Variants in HAUS7 observed in about 807,000 individuals in gnomAD.
The protein encoded by HAUS7 is HAUS augmin-like complex subunit 7.
Under a neutral mutation model 28.4 loss-of-function variants are expected in HAUS7, and 3 were observed. That is an observed-to-expected ratio of 0.11 (90% confidence interval 0.05 to 0.27). HAUS7 has a LOEUF of 0.27. Ranked by LOEUF, HAUS7 falls within the 10% of genes least tolerant of loss-of-function variation. The probability of loss-of-function intolerance (pLI) is 1.00; values close to 1 mark genes in which losing one functional copy is unlikely to be tolerated. For synonymous variants in HAUS7, 165 were observed against 132.1 expected (o/e 1.25, Z -1.71); for missense variants, 284 against 297.3 (o/e 0.96, Z 0.33).
chrX:153,489,991 A>G (rs1209770070), intron 1 of HAUS7, among the ~76,000 whole-genome samples: 1 of 112,760 alleles, frequency 8.9e-6, no homozygotes, highest in African/African-American at 3.2e-5. Flanking sequence ...GCCAGGTGCT[A>G]TCCCACCCCA....
At chrX:153,470,352 C>T in intron 1 of HAUS7, 98 bp downstream of exon 1, 2 of 884,707 alleles carry the variant, frequency 2.3e-6, no homozygotes, top group Non-Finnish European at 3.2e-6. Context: ...CGACGGTGGC[C>T]GCGTGGCGCC....
chrX:153,462,012 T>C, intron 4 of HAUS7: 1 of 556,107 alleles, frequency 1.8e-6, no homozygotes, highest in Non-Finnish European at 3.0e-6. Flanking sequence ...CTTGTGCACA[T>C]GTTCTCAGGA....
At chrX:153,470,415 C>A in intron 1 of HAUS7, 35 bp downstream of exon 1, 1 of 1,197,873 alleles carries the variant, frequency 8.3e-7, no homozygotes, top group Non-Finnish European at 1.1e-6. Context: ...CTCCCCGGTC[C>A]CCCGCCCTGG....
chrX:153,478,224 T>C (rs1421739483), intron 1 of HAUS7, among the ~76,000 whole-genome samples: 1 of 112,264 alleles, frequency 8.9e-6, no homozygotes, highest in Non-Finnish European at 1.9e-5. Context: ...AAACCCTGGC[T>C]CCCACAGCAG....
chrX:153,453,543 CGTG>C (rs1205259742), intron 9 of HAUS7, among the ~76,000 whole-genome samples: 1 of 108,601 alleles, frequency 9.2e-6, no homozygotes, highest in African/African-American at 3.4e-5. Flanking sequence ...CCCCCTGAAA[CGTG>C]GTATTAGTGC....
At chrX:153,462,575 C>T (rs781785643) in intron 4 of HAUS7, 35 bp downstream of exon 4, 51 of 1,070,705 alleles carry the variant, frequency 4.8e-5, no homozygotes, top group Non-Finnish European at 6.1e-5. Flanking sequence ...AGAAAGCGTG[C>T]GTGCCGTCTG....
rs993628529 is a variant in HAUS7 at position 153,458,430 on chromosome X, C to T, written c.355-1202G>A. 7.9e-5 allele frequency among the ~76,000 whole-genome samples: 9 copies of T among 113,228 alleles called. No homozygotes were observed. In the South Asian group the frequency reaches 1.4e-3, roughly 18 times the overall value. Reference sequence around the variant, plus strand: ...CCAAGCATGAGGCTGGCGAGGATCACGCGTGTCCCAGCGCAGATGAGTAGT... The same window carrying T: ...CCAAGCATGAGGCTGGCGAGGATCATGCGTGTCCCAGCGCAGATGAGTAGT... On this transcript the variant is annotated intron_variant, in intron 4 of 9. Coordinates refer to ENST00000370211, the MANE Select transcript of HAUS7 (RefSeq NM_001385482.1).
intron 9 of HAUS7, among the ~76,000 whole-genome samples, chrX:153,453,401 C>T (rs1319844391): frequency 8.9e-6 from 1 of 111,885 alleles, no homozygotes; most frequent in African/African-American, 3.3e-5. Context: ...AAATTGTACA[C>T]TTTTAAAAGG....
chrX:153,451,811 T>C (rs1474716813), intron 9 of HAUS7, among the ~76,000 whole-genome samples: 1 of 111,687 alleles, frequency 9.0e-6, no homozygotes, highest in Non-Finnish European at 1.9e-5. Context: ...TGCCGGGCTG[T>C]GAAAATCCCA....
intron 1 of HAUS7, among the ~76,000 whole-genome samples, chrX:153,492,162 C>T (rs997010840): frequency 1.2e-4 from 14 of 113,559 alleles, no homozygotes; most frequent in African/African-American, 4.1e-4. Context: ...CCTGCTTCCC[C>T]CTGCCTCCTC....
chrX:153,455,280 G>A (rs1028349297), intron 8 of HAUS7: 6 of 440,745 alleles, frequency 1.4e-5, no homozygotes, highest in Non-Finnish European at 2.4e-5. Context: ...ACCCCACACC[G>A]GATCTGGGCC....
chrX:153,481,212 G>A lies in HAUS7; in HGVS notation c.-588-10067C>T, dbSNP rs185293153. 119 of 472,613 alleles carry A rather than the reference G, an allele frequency of 2.5e-4. 1 individual carries two copies. Among genetic ancestry groups the A allele is most frequent in the Middle Eastern group, 2.6e-3 (2 of 766 alleles). 38.9% of individuals were successfully genotyped at this position (472,613 alleles called of 1,213,427 possible). A position where few individuals can be genotyped will look rare whatever the true frequency, so the allele number is the denominator to read the frequency against. The stretch of plus-strand genomic sequence containing the variant: ...AGCCCCCATTTGGGCCTTTGCCCTT[G>A]GTGCCAAGGGGAGGGGTCCCAGTAA... On this transcript the variant is annotated intron_variant, in intron 1 of 5. Transcript: ENST00000370210.
rs187868102 is a variant in HAUS7, at chrX:153,469,914, G to A, written c.108+536C>T. On this transcript the variant is annotated intron_variant, in intron 1 of 9. Coordinates refer to ENST00000370211, the MANE Select transcript of HAUS7 (RefSeq NM_001385482.1). ...GGACAGGATGGGGGAGTGTCTGGGG[G>A]GAGGAGCGAGCGGGCCGAGGGGACC... Among the ~76,000 whole-genome samples the A allele has an allele frequency of 5.4e-5, 6 of 111,132 alleles. No homozygotes were observed. In the East Asian group the frequency reaches 1.1e-3, roughly 21 times the overall value.
At chrX:153,456,455 G>A in intron 6 of HAUS7, 38 bp downstream of exon 6, 1 of 1,177,175 alleles carries the variant, frequency 8.5e-7, no homozygotes, top group Non-Finnish European at 1.1e-6. Flanking sequence ...GGGACAGGAG[G>A]CCAGGGTGCT....
Position 153,455,508 on chromosome X carries a change from G to A in HAUS7, c.930+34C>T, listed in dbSNP as rs782399793. ...TCTCAGTCTGAGTGAACAGGGGAGG[G>A]GGCGGTTAGAGGGGAGGGGAAGGGC... On this transcript the variant is annotated intron_variant, in intron 8 of 9. Transcript: ENST00000370211. The A allele has an allele frequency of 7.7e-6, 7 of 910,789 alleles. No homozygotes were observed. The South Asian group carries it at 1.2e-4, about 16-fold the overall frequency. 75.1% of individuals were successfully genotyped at this position (910,789 alleles called of 1,213,427 possible).
chrX:153,481,429 G>A (rs183306972), intron 1 of HAUS7: 46 of 753,585 alleles, frequency 6.1e-5, no homozygotes, highest in Middle Eastern at 6.7e-4. Context: ...CCAGGGTGGC[G>A]GCGGCAGCAC....
chrX:153,452,877 G>A (rs1203425689), intron 9 of HAUS7, among the ~76,000 whole-genome samples: 5 of 111,556 alleles, frequency 4.5e-5, no homozygotes, highest in African/African-American at 9.8e-5. Context: ...CCAGCTACCC[G>A]GGAGGCTGAG....
chrX:153,480,816 C>T (rs2089594956), intron 1 of HAUS7: 1 of 753,921 alleles, frequency 1.3e-6, no homozygotes, highest in Non-Finnish European at 1.6e-6. Flanking sequence ...TGAGTGGGCT[C>T]AGCCCCAGGC....
At chrX:153,482,952 G>A in intron 1 of HAUS7, 1 of 137,980 alleles carries the variant, frequency 7.2e-6, no homozygotes, top group Admixed American at 9.1e-5. Flanking sequence ...GAGGGGGCGT[G>A]GAGCAGCCCA....
Sources: gnomAD v4.1 joint callset for allele counts (sites outside exome capture counted in the v4.1 genomes callset) on GRCh38, gnomAD v4.1.1 for gene constraint, MANE v1.5 for transcripts, NCBI Gene and HGNC (gene_info 2026-07-23, HGNC 2026-07-21) for gene names.